CTIF: variants seen among roughly 807,000 people sequenced by gnomAD.
CTIF encodes CBP80/20-dependent translation initiation factor.
A neutral mutation model predicts 66.0 loss-of-function variants in CTIF; 21 were observed. The observed-to-expected ratio is 0.32, with a 90% CI of 0.23 to 0.46. The LOEUF is 0.46. Ranked by LOEUF, CTIF falls within the 20% of genes least tolerant of loss-of-function variation. The pLI is 1.00. For missense variants in CTIF, 739 were observed against 812.7 expected (o/e 0.91, Z 1.10); for synonymous variants, 345 against 326.4 (o/e 1.06, Z -0.62).
intron 1 of CTIF, among the ~76,000 whole-genome samples, chr18:48,548,884 T>C (rs2088818631): frequency 6.6e-6 from 1 of 152,216 alleles, no homozygotes; most frequent in African/African-American, 2.4e-5. Context: ...CTGCCCATCT[T>C]GCTGGGGAAG....
chr18:48,740,197 C>A (rs1349105655), intron 7 of CTIF, among the ~76,000 whole-genome samples: 3 of 152,336 alleles, frequency 2.0e-5, no homozygotes, highest in Middle Eastern at 3.4e-3. Context: ...CCCCTTCTTT[C>A]TCTCTCTGCT....
At chr18:48,777,487 G>A (rs1910799131) in intron 9 of CTIF, among the ~76,000 whole-genome samples, 1 of 152,152 alleles carries the variant, frequency 6.6e-6, no homozygotes, top group African/African-American at 2.4e-5. Context: ...CCTCCAAAAC[G>A]GGCCAGTGTA....
chr18:48,733,879 A>C (rs60270307), intron 7 of CTIF, among the ~76,000 whole-genome samples: 24 of 152,230 alleles, frequency 1.6e-4, no homozygotes, highest in African/African-American at 5.8e-4. Context: ...CCCTTCCCCC[A>C]GTCTCTCAGG....
intron 6 of CTIF, among the ~76,000 whole-genome samples, chr18:48,679,335 T>G (rs1568128547): frequency 1.3e-5 from 2 of 152,170 alleles, no homozygotes; most frequent in Non-Finnish European, 2.9e-5. Flanking sequence ...ATGACAGGGA[T>G]TTTTGAACTT....
In CTIF at chr18:48,761,485, G is replaced by A. The variant is rs1908984859; in HGVS notation, c.1167G>A (p.Val389=). 1 of 1,614,072 alleles carries A rather than the reference G, an allele frequency of 6.2e-7. No individual in the cohort carries two copies. Among genetic ancestry groups the A allele is most frequent in the Non-Finnish European group, 8.5e-7 (1 of 1,180,046 alleles). ...LNSMRNNSSD[V]DTKLTTFMEE... ...GCATGCGGAACAACAGCAGCGACGTGGACACCAAGCTCACCACCTTCATGG... is the reference window on the plus strand; with the variant it reads ...GCATGCGGAACAACAGCAGCGACGTAGACACCAAGCTCACCACCTTCATGG... Residue 389 remains valine (V), a synonymous_variant, in exon 9 of 12, where the codon GTG becomes GTA. Coordinates refer to ENST00000256413, the MANE Select transcript of CTIF (RefSeq NM_014772.3). The surrounding 1 kb of genome is among the most constrained non-coding windows in gnomAD (Gnocchi z 4.2).
intron 10 of CTIF, 26 bp from the exon 11 acceptor site, chr18:48,857,562 G>C (rs1353746028): frequency 2.5e-6 from 4 of 1,600,402 alleles, no homozygotes; most frequent in Non-Finnish European, 3.4e-6. Flanking sequence ...TCCTTCAGTG[G>C]TGCTCTCTGC....
chr18:48,780,420 C>A (rs1231453586), intron 9 of CTIF, among the ~76,000 whole-genome samples: 1 of 152,158 alleles, frequency 6.6e-6, no homozygotes, highest in African/African-American at 2.4e-5. Context: ...CCCCATACAA[C>A]TTGATTTATC....
At chr18:48,656,681 C>A (rs1372583699) in intron 3 of CTIF, among the ~76,000 whole-genome samples, 5 of 152,130 alleles carry the variant, frequency 3.3e-5, no homozygotes, top group Non-Finnish European at 7.3e-5. Flanking sequence ...TATGGGGCCC[C>A]CTAATTGCCA....
In CTIF at chr18:48,607,435, C is replaced by T. The variant is rs114234692; in HGVS notation, c.-28-12103C>T. The stretch of plus-strand genomic sequence containing the variant: ...TCTGCTGGGTCCACTTGTAATGTGC[C>T]ACCCATCTGTGCCCATCAGCAGCCG... On this transcript the variant is annotated intron_variant, in intron 1 of 11. Transcript: ENST00000256413. 6.8e-4 allele frequency among the ~76,000 whole-genome samples: 103 copies of T among 152,360 alleles called. 3 individuals carry two copies. Among genetic ancestry groups the T allele is most frequent in the African/African-American group, 2.4e-3 (101 of 41,580 alleles).
intron 9 of CTIF, among the ~76,000 whole-genome samples, chr18:48,765,076 C>G (rs945645892): frequency 2.0e-4 from 31 of 152,226 alleles, no homozygotes; most frequent in African/African-American, 7.2e-4. Flanking sequence ...TGGCCCCTCA[C>G]CACCCAAACC....
At position 48,667,750 on chromosome 18, in the gene CTIF, A is replaced by G. The variant is rs183970525; in HGVS notation, c.432-2919A>G. 3.3e-3 allele frequency among the ~76,000 whole-genome samples: 510 copies of G among 152,314 alleles called. 3 individuals carry two copies. Among genetic ancestry groups the G allele is most frequent in the African/African-American group, 0.012 (489 of 41,562 alleles). On this transcript the variant is annotated intron_variant, in intron 5 of 11. Transcript: ENST00000256413. ...TCTCACTTTCTCACCAGGAGCCTCC[A>G]GATTTGCTGAGAGTCACCTGGGGTC... is the stretch of plus-strand genomic sequence containing the variant.
At chr18:48,687,747 G>A (rs986563205) in intron 6 of CTIF, among the ~76,000 whole-genome samples, 1 of 152,202 alleles carries the variant, frequency 6.6e-6, no homozygotes, top group Non-Finnish European at 1.5e-5. Context: ...GTGCAAAGGT[G>A]AGCCTGAAAG....
chr18:48,657,674 A>C (rs933509926), intron 3 of CTIF, among the ~76,000 whole-genome samples: 1 of 152,142 alleles, frequency 6.6e-6, no homozygotes, highest in Non-Finnish European at 1.5e-5. Flanking sequence ...GCTGCTGAGG[A>C]GGCTGCAGAG....
Position 48,644,413 on chromosome 18 carries a change from G to GA in CTIF, c.252+7729dup, listed in dbSNP as rs2090988982. Reference sequence around the variant, plus strand: ...CTTCGGGCCTGGGTCACATGCCCAGGAGCACTAGAAGTGTGCGCTGTGATT... The same window carrying GA: ...CTTCGGGCCTGGGTCACATGCCCAGGAAGCACTAGAAGTGTGCGCTGTGATT... On this transcript the variant is annotated intron_variant, in intron 3 of 11. Transcript: ENST00000256413. Among the ~76,000 whole-genome samples the GA allele has an allele frequency of 3.9e-5, 6 of 152,328 alleles. No homozygotes were observed. In the South Asian group the frequency reaches 1.2e-3, roughly 32 times the overall value.
At chr18:48,593,113 A>C (rs892984268) in intron 1 of CTIF, among the ~76,000 whole-genome samples, 1 of 152,158 alleles carries the variant, frequency 6.6e-6, no homozygotes, top group African/African-American at 2.4e-5. Context: ...TGGTGGGAGC[A>C]TGGCAGCATT....
At chr18:48,708,216 G>A (rs561062732) in intron 6 of CTIF, among the ~76,000 whole-genome samples, 94 of 152,300 alleles carry the variant, frequency 6.2e-4, no homozygotes, top group African/African-American at 2.2e-3. Flanking sequence ...TGACTTTAAA[G>A]AAGCTCTGCC....
chr18:48,703,503 A>G (rs886815426), intron 6 of CTIF, among the ~76,000 whole-genome samples: 1 of 152,216 alleles, frequency 6.6e-6, no homozygotes, highest in Non-Finnish European at 1.5e-5. Flanking sequence ...TGTCTGTATA[A>G]TGCTTTCTTC....
At chr18:48,700,946 A>T (rs374728166) in intron 6 of CTIF, among the ~76,000 whole-genome samples, 3 of 152,200 alleles carry the variant, frequency 2.0e-5, no homozygotes, top group Non-Finnish European at 4.4e-5. Flanking sequence ...CTTCAGTTCT[A>T]TGATGGTCTT....
At chr18:48,686,699 C>T (rs1386916137) in intron 6 of CTIF, among the ~76,000 whole-genome samples, 2 of 152,132 alleles carry the variant, frequency 1.3e-5, no homozygotes, top group Non-Finnish European at 2.9e-5. Flanking sequence ...CTTGGGGAGT[C>T]TCATATTTAG....
Sources: gnomAD v4.1 joint callset for allele counts (sites outside exome capture counted in the v4.1 genomes callset) on GRCh38, gnomAD v4.1.1 for gene constraint, Gnocchi (gnomAD v3.1) non-coding constraint, MANE v1.5 for transcripts, NCBI Gene and HGNC (gene_info 2026-07-23, HGNC 2026-07-21) for gene names.